Variants in DCDC1 observed in about 807,000 individuals in gnomAD.
DCDC1 encodes doublecortin domain-containing protein 1.
A neutral mutation model predicts 178.3 loss-of-function variants in DCDC1; 200 were observed. That is an observed-to-expected ratio of 1.12 (90% CI 1.00 to 1.26). The LOEUF is 1.26. DCDC1 is among the 50% of genes most tolerant of loss of function. DCDC1 has a pLI of 0.00. For synonymous variants in DCDC1, 690 were observed against 604.8 expected (o/e 1.14, Z -2.07); for missense variants, 1,983 against 1,749.2 (o/e 1.13, Z -2.38).
chr11:30,867,718 G>T (rs895365898), intron 38 of DCDC1, among the ~76,000 whole-genome samples: 3 of 152,122 alleles, frequency 2.0e-5, no homozygotes, highest in Admixed American at 1.3e-4. Flanking sequence ...GAAGGTGAAG[G>T]TGACCCCATA....
At chr11:30,934,734 G>A (rs936589998) in intron 21 of DCDC1, among the ~76,000 whole-genome samples, 8 of 152,126 alleles carry the variant, frequency 5.3e-5, no homozygotes, top group Admixed American at 1.3e-4. Flanking sequence ...TAAGGGAAAC[G>A]GAACCACCTG....
chr11:31,115,981 TGGG>T lies in DCDC1; in HGVS notation c.1486-5623_1486-5621del, dbSNP rs548179744. 2.3e-3 allele frequency among the ~76,000 whole-genome samples: 89 copies of T among 38,096 alleles called. 5 individuals are homozygous for T. Among genetic ancestry groups the T allele is most frequent in the Admixed American group, 0.012 (39 of 3,376 alleles). The allele number at this position is 38,096 out of a possible 152,430, so 25.0% of individuals were successfully genotyped here. ...TCTAAGAAGGATATAGCTGTGGCAG[TGGG>T]GGGGGGGGGGATGGGTATCTCAGTC... is the stretch of plus-strand genomic sequence containing the variant. On this transcript the variant is annotated intron_variant, in intron 11 of 38. Coordinates refer to ENST00000684477, the MANE Select transcript of DCDC1 (RefSeq NM_001387274.1).
At chr11:31,108,403 T>C (rs1958990141) in intron 12 of DCDC1, among the ~76,000 whole-genome samples, 1 of 152,214 alleles carries the variant, frequency 6.6e-6, no homozygotes, top group Non-Finnish European at 1.5e-5. Context: ...AATCTATAGA[T>C]TGTATTTCTA....
intron 8 of DCDC1, among the ~76,000 whole-genome samples, chr11:31,250,507 C>T (rs1385322580): frequency 6.8e-6 from 1 of 147,390 alleles, no homozygotes; most frequent in South Asian, 2.2e-4. Flanking sequence ...CCCAACCCCC[C>T]TAAAACACCC....
At chr11:31,353,832 G>GA (rs1320315820) in intron 1 of DCDC1, among the ~76,000 whole-genome samples, 1 of 152,100 alleles carries the variant, frequency 6.6e-6, no homozygotes, top group Non-Finnish European at 1.5e-5. Flanking sequence ...ATAATAACAA[G>GA]AAAATTCTTC....
chr11:31,275,290 A>G (rs1945895366), intron 7 of DCDC1, among the ~76,000 whole-genome samples: 1 of 152,142 alleles, frequency 6.6e-6, no homozygotes, highest in East Asian at 1.9e-4. Flanking sequence ...AAATAAACCA[A>G]TTCTTTTTAG....
chr11:30,911,208 A>G, intron 28 of DCDC1, 119 bp downstream of exon 28: 1 of 778,304 alleles, frequency 1.3e-6, no homozygotes, highest in East Asian at 2.7e-5. Flanking sequence ...AAATATTTTA[A>G]CAACATTCAA....
intron 18 of DCDC1, among the ~76,000 whole-genome samples, chr11:31,076,319 C>A (rs1376544656): frequency 6.6e-6 from 1 of 151,874 alleles, no homozygotes; most frequent in East Asian, 1.9e-4. Flanking sequence ...AATTTTATTT[C>A]CAGTTGTTCT....
intron 17 of DCDC1, among the ~76,000 whole-genome samples, chr11:31,087,980 T>C (rs1045146211): frequency 7.6e-4 from 115 of 152,086 alleles, no homozygotes; most frequent in Non-Finnish European, 1.0e-4. Flanking sequence ...AGCTTTCACT[T>C]CAGGTATTTT....
Position 30,906,381 on chromosome 11 carries a change from G to C in DCDC1, c.4104+159C>G, listed in dbSNP as rs138214959. 946 of 726,744 alleles carry C rather than the reference G, an allele frequency of 1.3e-3. 9 individuals carry two copies. The African/African-American group carries it at 0.016, about 12-fold the overall frequency. 45.0% of individuals were successfully genotyped at this position (726,744 alleles called of 1,614,324 possible). ...AGACAATGCATTTTAAATTACAATGGGGAAAAGGAAATCAATGCAGGTAGA... is the reference window on the plus strand; with the variant it reads ...AGACAATGCATTTTAAATTACAATGCGGAAAAGGAAATCAATGCAGGTAGA... On this transcript the variant is annotated intron_variant, in intron 30 of 38. Coordinates refer to ENST00000684477, the MANE Select transcript of DCDC1 (RefSeq NM_001387274.1).
chr11:31,221,503 C>T (rs769111436), intron 9 of DCDC1, among the ~76,000 whole-genome samples: 14 of 152,178 alleles, frequency 9.2e-5, no homozygotes, highest in Middle Eastern at 6.3e-3. Context: ...GTGACCTTCC[C>T]CTTTTGTCTC....
chr11:31,174,135 C>G (rs1210566696), intron 9 of DCDC1, among the ~76,000 whole-genome samples: 1 of 152,124 alleles, frequency 6.6e-6, no homozygotes, highest in African/African-American at 2.4e-5. Context: ...CAGAAAGGAG[C>G]CCCACCCTCC....
At chr11:31,063,524 T>C (rs1462971822) in intron 20 of DCDC1, among the ~76,000 whole-genome samples, 3 of 152,124 alleles carry the variant, frequency 2.0e-5, no homozygotes, top group Non-Finnish European at 4.4e-5. Context: ...TAGCTTTTAA[T>C]TGAAATAAGT....
At chr11:30,980,249 C>T (rs2134786113) in intron 20 of DCDC1, among the ~76,000 whole-genome samples, 1 of 152,276 alleles carries the variant, frequency 6.6e-6, no homozygotes, top group South Asian at 2.1e-4. Context: ...ATCTATGTAG[C>T]CATGGCAACT....
At chr11:31,365,132 T>C (rs918812523) in intron 1 of DCDC1, among the ~76,000 whole-genome samples, 2 of 152,200 alleles carry the variant, frequency 1.3e-5, no homozygotes, top group African/African-American at 2.4e-5. Context: ...AGGACTACAG[T>C]CAACTTTGTT....
At chr11:30,999,823 T>C (rs1418686806) in intron 20 of DCDC1, among the ~76,000 whole-genome samples, 1 of 152,094 alleles carries the variant, frequency 6.6e-6, no homozygotes, top group Non-Finnish European at 1.5e-5. Context: ...AAACGTCAAA[T>C]AAAATAAAAT....
intron 20 of DCDC1, among the ~76,000 whole-genome samples, chr11:31,037,435 T>TC (rs936331223): frequency 4.1e-5 from 6 of 146,044 alleles, no homozygotes; most frequent in African/African-American, 1.6e-4. Flanking sequence ...TTTCTTTCTT[T>TC]TTTTTTTTTT....
chr11:31,021,543 A>G (rs1178515212), intron 20 of DCDC1, among the ~76,000 whole-genome samples: 2 of 152,176 alleles, frequency 1.3e-5, no homozygotes, highest in Non-Finnish European at 2.9e-5. Context: ...ATTTCCCTGT[A>G]TATGCATTAA....
intron 11 of DCDC1, among the ~76,000 whole-genome samples, chr11:31,114,286 G>C (rs1181959610): frequency 1.3e-5 from 2 of 152,084 alleles, no homozygotes; most frequent in Non-Finnish European, 2.9e-5. Flanking sequence ...GAGACAATAG[G>C]GTTAACCAAT....
Sources: gnomAD v4.1 joint callset for allele counts (sites outside exome capture counted in the v4.1 genomes callset) on GRCh38, gnomAD v4.1.1 for gene constraint, MANE v1.5 for transcripts, NCBI Gene and HGNC (gene_info 2026-07-23, HGNC 2026-07-21) for gene names.